The following JMJD1C variants were observed in gnomAD, a reference collection of about 807,000 sequenced individuals.
JMJD1C encodes jumonji domain containing 1C, also known as jumonji domain-containing protein 1C.
In JMJD1C, 31 loss-of-function variants were observed where a neutral mutation model predicts 245.3. The ratio of observed to expected loss-of-function variants is 0.13; its 90% CI spans 0.09 to 0.17. The LOEUF is 0.17. JMJD1C is among the 10% of genes least tolerant of loss of function. JMJD1C has a pLI of 1.00. For missense variants in JMJD1C, 2,691 were observed against 3,000.2 expected (o/e 0.90, Z 2.41); for synonymous variants, 1,057 against 1,017.4 (o/e 1.04, Z -0.74).
chr10:63,194,199 C>G (rs2306264), intron 14 of JMJD1C, 87 bp downstream of exon 14: 202,662 of 830,796 alleles, frequency 0.24, 28,526 homozygotes, highest in Non-Finnish European at 0.3. Flanking sequence ...TCTCTCCACC[C>G]TGTTATATTT....
In JMJD1C at chr10:63,208,646, G is replaced by A. The variant is rs771527165; in HGVS notation, c.3023C>T (p.Pro1008Leu). The change falls in exon 10 of 26, where the codon CCC becomes CTC. Residue 1008 changes from proline (P) to leucine (L), a missense_variant. This residue lies in a region of JMJD1C where 1,562 missense variants were observed against 1,490.7 expected (regional missense o/e 1.05). Transcript: ENST00000399262. ...DPVLNQLQRPPQETGERLNKY... is the reference protein window; with the variant it reads ...DPVLNQLQRPLQETGERLNKY... The stretch of plus-strand genomic sequence containing the variant: ...GTTTAACCTCTCTCCAGTCTCCTGG[G>A]GTGGCCTCTGTAACTGATTTAATAC... 6 of 1,613,788 alleles carry A rather than the reference G, an allele frequency of 3.7e-6. No homozygotes were observed. Among genetic ancestry groups the A allele is most frequent in the Non-Finnish European group, 4.2e-6 (5 of 1,179,940 alleles).
chr10:63,250,202 G>A (rs1852866293), intron 3 of JMJD1C, among the ~76,000 whole-genome samples: 1 of 151,950 alleles, frequency 6.6e-6, no homozygotes, highest in South Asian at 2.1e-4. Context: ...TTTTTTTGTA[G>A]AAACAGGGTC....
intron 1 of JMJD1C, chr10:63,428,058 A>G (rs1229130134): frequency 3.4e-6 from 2 of 581,928 alleles, no homozygotes; most frequent in Non-Finnish European, 6.2e-6. Context: ...AAAAATACAC[A>G]CAACACACAT....
intron 2 of JMJD1C, among the ~76,000 whole-genome samples, chr10:63,304,656 T>C (rs899101681): frequency 2.6e-5 from 4 of 152,222 alleles, no homozygotes; most frequent in African/African-American, 9.6e-5. Context: ...ATAGTCTGTA[T>C]AGTAAAAACA....
At chr10:63,374,428 T>G (rs1188721417) in intron 2 of JMJD1C, among the ~76,000 whole-genome samples, 1 of 152,150 alleles carries the variant, frequency 6.6e-6, no homozygotes, top group Non-Finnish European at 1.5e-5. Flanking sequence ...AAACTGCAAA[T>G]AAATAATTAA....
chr10:63,265,529 C>G (rs1319111628), intron 2 of JMJD1C, among the ~76,000 whole-genome samples: 6 of 152,098 alleles, frequency 3.9e-5, no homozygotes, highest in Non-Finnish European at 7.4e-5. Context: ...AGGAAGGAAA[C>G]AGGGATACAA....
At chr10:63,410,463 A>G (rs1949415886) in intron 1 of JMJD1C, among the ~76,000 whole-genome samples, 1 of 152,154 alleles carries the variant, frequency 6.6e-6, no homozygotes, top group Admixed American at 6.5e-5. Context: ...GAAAGTGATA[A>G]TATCTATAAA....
At chr10:63,346,790 T>C (rs1432894042) in intron 2 of JMJD1C, among the ~76,000 whole-genome samples, 2 of 152,166 alleles carry the variant, frequency 1.3e-5, no homozygotes, top group African/African-American at 4.8e-5. Context: ...TCTATCTACT[T>C]GGCTACTATT....
intron 2 of JMJD1C, among the ~76,000 whole-genome samples, chr10:63,285,721 T>A (rs1489128812): frequency 6.6e-6 from 1 of 152,046 alleles, no homozygotes; most frequent in Non-Finnish European, 1.5e-5. Flanking sequence ...GTTGGGAGAA[T>A]CACCTGAGCC....
intron 2 of JMJD1C, among the ~76,000 whole-genome samples, chr10:63,344,337 T>C (rs1243479073): frequency 6.6e-6 from 1 of 152,226 alleles, no homozygotes; most frequent in Non-Finnish European, 1.5e-5. Flanking sequence ...CACAGGTTTG[T>C]AGCCTCAGAA....
At chr10:63,183,867 G>A (rs1843773583) in intron 21 of JMJD1C, among the ~76,000 whole-genome samples, 1 of 152,100 alleles carries the variant, frequency 6.6e-6, no homozygotes. Flanking sequence ...TATAAAAAAG[G>A]GTTTCGATGG....
At chr10:63,442,606 G>T (rs896484857) in intron 1 of JMJD1C, among the ~76,000 whole-genome samples, 2 of 152,140 alleles carry the variant, frequency 1.3e-5, no homozygotes, top group African/African-American at 4.8e-5. Context: ...GCATAAAAAT[G>T]TGGCAAGTGT....
intron 2 of JMJD1C, among the ~76,000 whole-genome samples, chr10:63,306,672 A>AT (rs1330763915): frequency 6.6e-6 from 1 of 152,234 alleles, no homozygotes; most frequent in Non-Finnish European, 1.5e-5. Flanking sequence ...CAATGACCTT[A>AT]TTTTTAAGAG....
At chr10:63,258,484 T>A (rs1439591396) in intron 3 of JMJD1C, among the ~76,000 whole-genome samples, 2 of 152,236 alleles carry the variant, frequency 1.3e-5, no homozygotes, top group Non-Finnish European at 2.9e-5. Flanking sequence ...CCACACCATG[T>A]GTATCCAGCA....
intron 13 of JMJD1C, among the ~76,000 whole-genome samples, chr10:63,196,041 G>A (rs980512607): frequency 6.6e-6 from 1 of 152,126 alleles, no homozygotes; most frequent in African/African-American, 2.4e-5. Flanking sequence ...CAGCATTTTG[G>A]GAGGCTGAGG....
At chr10:63,484,592 T>G (rs1953935498) in intron 1 of JMJD1C, among the ~76,000 whole-genome samples, 1 of 151,924 alleles carries the variant, frequency 6.6e-6, no homozygotes, top group South Asian at 2.1e-4. Flanking sequence ...CATAAGATCT[T>G]GATGATCAAA....
intron 3 of JMJD1C, among the ~76,000 whole-genome samples, chr10:63,237,356 T>G (rs1850866702): frequency 7.3e-6 from 1 of 137,852 alleles, no homozygotes; most frequent in Non-Finnish European, 1.6e-5. Context: ...ACTAAAAATT[T>G]TTTTTTAATA....
At chr10:63,253,127 C>T (rs1373523758) in intron 3 of JMJD1C, among the ~76,000 whole-genome samples, 1 of 152,106 alleles carries the variant, frequency 6.6e-6, no homozygotes, top group Non-Finnish European at 1.5e-5. Flanking sequence ...ATCATTTGAA[C>T]AAATTATTCA....
At chr10:63,403,330 T>C (rs377410728) in intron 1 of JMJD1C, among the ~76,000 whole-genome samples, 1 of 152,208 alleles carries the variant, frequency 6.6e-6, no homozygotes, top group African/African-American at 2.4e-5. Context: ...AGAGTACTTA[T>C]AATATTTCTA....
Sources: allele counts gnomAD v4.1 joint callset (sites outside exome capture counted in the v4.1 genomes callset), GRCh38; gene constraint gnomAD v4.1.1; regional missense constraint gnomAD v4.1.1; transcripts MANE v1.5; gene names NCBI Gene and HGNC (gene_info 2026-07-23, HGNC 2026-07-21).